The following FAF1 variants were observed in gnomAD, a reference collection of about 807,000 sequenced individuals.
FAF1 encodes the protein FAS-associated factor 1.
FAF1 carries 25 observed loss-of-function variants against 92.5 expected under a neutral mutation model. That is an observed-to-expected ratio of 0.27 (90% CI 0.20 to 0.38). FAF1 has a LOEUF of 0.38. Among genes scored for constraint, FAF1 ranks in the 10% least tolerant of loss-of-function variants. FAF1 has a pLI of 1.00. For synonymous variants in FAF1, 234 were observed against 273.2 expected, an observed-to-expected ratio of 0.86 and a Z score of 1.42; for missense variants, 636 against 793.3, an observed-to-expected ratio of 0.80 and a Z score of 2.38.
At chr1:50,763,059 A>T (rs1303584048) in intron 4 of FAF1, among the ~76,000 whole-genome samples, 1 of 152,148 alleles carries the variant, frequency 6.6e-6, no homozygotes, top group Non-Finnish European at 1.5e-5. Flanking sequence ...GTTCAAGACC[A>T]GCCTAGCCAA....
intron 13 of FAF1, 50 bp from the exon 14 acceptor site, chr1:50,539,778 T>C (rs766927172): frequency 7.4e-7 from 1 of 1,357,754 alleles, no homozygotes; most frequent in Admixed American, 1.8e-5. Context: ...GTTTAATAGA[T>C]TTACTAGTAC....
At chr1:50,758,168 T>C (rs982217902) in intron 4 of FAF1, among the ~76,000 whole-genome samples, 2 of 152,228 alleles carry the variant, frequency 1.3e-5, no homozygotes, top group African/African-American at 4.8e-5. Context: ...TCTACCCACC[T>C]TGGCCTCCCA....
At chr1:50,782,280 T>C (rs931844949) in intron 4 of FAF1, among the ~76,000 whole-genome samples, 6 of 152,136 alleles carry the variant, frequency 3.9e-5, no homozygotes, top group Non-Finnish European at 7.4e-5. Context: ...TCTATGTCTG[T>C]TACTGCCTCT....
At chr1:50,554,582 C>T (rs943149310) in intron 13 of FAF1, among the ~76,000 whole-genome samples, 2 of 151,986 alleles carry the variant, frequency 1.3e-5, no homozygotes, top group Admixed American at 6.5e-5. Context: ...TGTTACAAAA[C>T]GAAAGAGGAA....
chr1:50,789,187 G>C lies in FAF1; in HGVS notation c.162-982C>G, dbSNP rs542454887. ...CTAAGTATTATCCCTTTTATATCCA[G>C]TATCTTTGACATCTCTTTCTCTTCT... On this transcript the variant is annotated intron_variant, in intron 3 of 18. Transcript: ENST00000396153. Among the ~76,000 whole-genome samples the C allele has an allele frequency of 7.9e-5, 12 of 152,164 alleles. No individual in the cohort carries two copies. In the South Asian group the frequency reaches 2.5e-3, roughly 32 times the overall value.
At chr1:50,499,125 A>G (rs1646947084) in intron 15 of FAF1, among the ~76,000 whole-genome samples, 1 of 152,196 alleles carries the variant, frequency 6.6e-6, no homozygotes, top group African/African-American at 2.4e-5. Flanking sequence ...AAGGATCAAC[A>G]TTGTGTTTCC....
At chr1:50,461,244 C>T (rs1646425825) in intron 18 of FAF1, among the ~76,000 whole-genome samples, 1 of 152,180 alleles carries the variant, frequency 6.6e-6, no homozygotes, top group South Asian at 2.1e-4. Context: ...GTCTGCACCA[C>T]TGATAGAGGA....
At chr1:50,517,565 T>C (rs1647263781) in intron 15 of FAF1, among the ~76,000 whole-genome samples, 1 of 152,170 alleles carries the variant, frequency 6.6e-6, no homozygotes, top group Non-Finnish European at 1.5e-5. Context: ...AAACTGGCAA[T>C]AGGTCAGAGG....
At chr1:50,557,219 G>A (rs986817508) in intron 13 of FAF1, among the ~76,000 whole-genome samples, 4 of 152,156 alleles carry the variant, frequency 2.6e-5, no homozygotes, top group Middle Eastern at 3.2e-3. Flanking sequence ...GTATTGAGGG[G>A]AAGAAAAGCA....
chr1:50,725,405 G>A (rs1035986308), intron 6 of FAF1, among the ~76,000 whole-genome samples: 2 of 152,148 alleles, frequency 1.3e-5, no homozygotes, highest in African/African-American at 4.8e-5. Context: ...CATGGCTACT[G>A]TAATCTGCTT....
rs147627295 is a variant in FAF1 at position 50,517,210 on chromosome 1, C to T, written c.1494+18159G>A. Among the ~76,000 whole-genome samples, 621 of 152,084 alleles carry T rather than the reference C, an allele frequency of 4.1e-3. 8 individuals are homozygous for T. Among genetic ancestry groups the T allele is most frequent in the African/African-American group, 0.014 (571 of 41,502 alleles). The stretch of plus-strand genomic sequence containing the variant: ...TTCAAAATCATTTGCAAATCTTTTT[C>T]CCCAGCCCCTGCCCTTACATACTGG... On this transcript the variant is annotated intron_variant, in intron 15 of 18. Coordinates refer to ENST00000396153, the MANE Select transcript of FAF1 (RefSeq NM_007051.3).
chr1:50,831,177 AATTTAAATC>A (rs1157474116), intron 2 of FAF1, among the ~76,000 whole-genome samples: 1 of 152,182 alleles, frequency 6.6e-6, no homozygotes, highest in Non-Finnish European at 1.5e-5. Context: ...ATTAGCTGAG[AATTTAAATC>A]ACTATTTACA....
chr1:50,558,005 T>TG (rs1395761304), intron 13 of FAF1, among the ~76,000 whole-genome samples: 1 of 152,002 alleles, frequency 6.6e-6, no homozygotes, highest in African/African-American at 2.4e-5. Flanking sequence ...CTCTGGCTCC[T>TG]GGGCTCAAGC....
At chr1:50,893,491 T>TATAGAA (rs1210836184) in intron 1 of FAF1, among the ~76,000 whole-genome samples, 5 of 152,206 alleles carry the variant, frequency 3.3e-5, no homozygotes, top group African/African-American at 1.2e-4. Context: ...TGGATTAGCA[T>TATAGAA]ATAGAAACTA....
chr1:50,705,605 T>C (rs1390244344), intron 7 of FAF1, among the ~76,000 whole-genome samples, 181 bp downstream of exon 7: 1 of 152,216 alleles, frequency 6.6e-6, no homozygotes, highest in Non-Finnish European at 1.5e-5. Context: ...TTTACATCTT[T>C]CTAGGTCAAG....
rs117221425 is a variant in FAF1 at position 50,765,365 on chromosome 1, G to A, written c.368-20590C>T. On this transcript the variant is annotated intron_variant, in intron 4 of 18. Transcript: ENST00000396153. ...AATTTTAACCAATACATTATCTACA[G>A]AATTTAATACCTTTTTTCAAGGTCA... 2.3e-3 allele frequency among the ~76,000 whole-genome samples: 349 copies of A among 152,176 alleles called. 10 individuals carry two copies. The highest frequency in any genetic ancestry group is 0.016 in the East Asian group (83 of 5,178).
chr1:50,787,865 T>C (rs1661418347), intron 4 of FAF1, 135 bp downstream of exon 4: 1 of 659,096 alleles, frequency 1.5e-6, no homozygotes, highest in Non-Finnish European at 2.7e-6. Context: ...TAATAATCAG[T>C]ATTGGAAAGT....
intron 1 of FAF1, among the ~76,000 whole-genome samples, chr1:50,941,610 G>A (rs1349068467): frequency 2.0e-5 from 3 of 152,072 alleles, no homozygotes; most frequent in Non-Finnish European, 4.4e-5. Flanking sequence ...CTCCCACCTT[G>A]GCCTCCAAAG....
At chr1:50,636,167 T>C (rs1653997857) in intron 8 of FAF1, among the ~76,000 whole-genome samples, 1 of 152,246 alleles carries the variant, frequency 6.6e-6, no homozygotes, top group Non-Finnish European at 1.5e-5. Context: ...CTGATTGAGG[T>C]CTAGTTATCT....
Sources: gnomAD v4.1 joint callset for allele counts (sites outside exome capture counted in the v4.1 genomes callset) on GRCh38, gnomAD v4.1.1 for gene constraint, MANE v1.5 for transcripts, NCBI Gene and HGNC (gene_info 2026-07-23, HGNC 2026-07-21) for gene names.